CALN1: variants seen among roughly 807,000 people sequenced by gnomAD.
CALN1 encodes calcium-binding protein 8.
Under a neutral mutation model 30.6 loss-of-function variants are expected in CALN1, and 17 were observed. The observed-to-expected ratio is 0.56, with a 90% confidence interval of 0.38 to 0.83. The LOEUF is 0.83. Among genes scored for constraint, CALN1 ranks in the 40% least tolerant of loss-of-function variants. The probability of loss-of-function intolerance (pLI) is 0.00; values close to 1 mark genes in which losing one functional copy is unlikely to be tolerated. For missense variants in CALN1, 291 were observed against 354.9 expected (o/e 0.82, Z 1.45); for synonymous variants, 156 against 131.4 (o/e 1.19, Z -1.28).
intron 4 of CALN1, among the ~76,000 whole-genome samples, chr7:72,079,074 C>T (rs377748472): frequency 2.5e-4 from 38 of 152,286 alleles, no homozygotes; most frequent in South Asian, 1.5e-3. Context: ...GAGGTCCTTA[C>T]GAAATGCCAG....
intron 3 of CALN1, among the ~76,000 whole-genome samples, chr7:72,148,422 A>G (rs929774960): frequency 2.2e-5 from 2 of 92,158 alleles, no homozygotes; most frequent in Non-Finnish European, 6.6e-5. Context: ...TAAAAAAAAG[A>G]AAAAAAAGAA....
At chr7:72,058,705 T>A (rs1222251823) in intron 4 of CALN1, among the ~76,000 whole-genome samples, 1 of 152,104 alleles carries the variant, frequency 6.6e-6, no homozygotes, top group African/African-American at 2.4e-5. Flanking sequence ...TGGAAGATGG[T>A]AAGCTCTGAA....
At chr7:72,398,698 AG>A (rs1394800456) in intron 2 of CALN1, among the ~76,000 whole-genome samples, 4 of 152,226 alleles carry the variant, frequency 2.6e-5, no homozygotes, top group African/African-American at 9.6e-5. Flanking sequence ...AAAGAAGTGA[AG>A]GATTTCACTG....
At chr7:71,922,533 T>A (rs1562902788) in intron 5 of CALN1, among the ~76,000 whole-genome samples, 1 of 138,186 alleles carries the variant, frequency 7.2e-6, no homozygotes, top group Admixed American at 7.6e-5. Flanking sequence ...ACAGAATATA[T>A]TATATATAAA....
At chr7:71,825,387 C>T (rs559063370) in intron 5 of CALN1, among the ~76,000 whole-genome samples, 8 of 152,244 alleles carry the variant, frequency 5.3e-5, no homozygotes, top group African/African-American at 1.9e-4. Flanking sequence ...ATAAGGGTTT[C>T]CCCCTTTTGC....
At chr7:72,045,149 C>A (rs1802388783) in intron 4 of CALN1, among the ~76,000 whole-genome samples, 1 of 152,186 alleles carries the variant, frequency 6.6e-6, no homozygotes, top group Non-Finnish European at 1.5e-5. Flanking sequence ...GGGAAACGTA[C>A]ACTCACCATG....
rs528410562 is a variant in CALN1 at position 71,861,541 on chromosome 7, C to T, written c.502-51049G>A. Among the ~76,000 whole-genome samples the T allele has an allele frequency of 6.6e-5, 10 of 151,684 alleles. No homozygotes were observed. The South Asian group carries it at 1.7e-3, about 25-fold the overall frequency. On this transcript the variant is annotated intron_variant, in intron 5 of 6. Transcript: ENST00000395275. ...CTGTAATCCCAACACGTTGGGTGGC[C>T]GAGGCAAGGGGATCCCTTGAGACCA...
rs1793797654 is a variant in CALN1 at position 71,900,657 on chromosome 7, A to G, written c.502-90165T>C. On this transcript the variant is annotated intron_variant, in intron 5 of 6. Coordinates refer to ENST00000395275, the MANE Select transcript of CALN1 (RefSeq NM_031468.4). ...TAGCACAAGGACCCCAGTCAGTAAC[A>G]GATGTTCCAGAAGGGGGCTAGGGCA... Among the ~76,000 whole-genome samples the G allele has an allele frequency of 2.6e-5, 4 of 152,202 alleles. No homozygotes were observed. In the South Asian group the frequency reaches 8.3e-4, roughly 31 times the overall value.
intron 5 of CALN1, among the ~76,000 whole-genome samples, chr7:71,913,336 T>C (rs1327316299): frequency 6.6e-6 from 1 of 152,186 alleles, no homozygotes; most frequent in Non-Finnish European, 1.5e-5. Context: ...GTTAGGATTC[T>C]ATGAGCTGGC....
At chr7:71,871,540 A>G (rs888206297) in intron 5 of CALN1, among the ~76,000 whole-genome samples, 9 of 152,152 alleles carry the variant, frequency 5.9e-5, no homozygotes, top group African/African-American at 2.2e-4. Flanking sequence ...CGAGGCCAGG[A>G]AAGTTTGTGA....
chr7:72,388,858 G>A (rs897400543), intron 2 of CALN1, among the ~76,000 whole-genome samples: 3 of 152,258 alleles, frequency 2.0e-5, no homozygotes, highest in Non-Finnish European at 1.5e-5. Flanking sequence ...TGGTGCATTT[G>A]GGCTCCTTCT....
chr7:72,448,630 G>A (rs1808593549), upstream of CALN1, among the ~76,000 whole-genome samples: 2 of 151,232 alleles, frequency 1.3e-5, no homozygotes, highest in African/African-American at 2.4e-5. Flanking sequence ...TTTTTTGACG[G>A]AGTCTCACTC....
At chr7:72,011,505 C>A (rs1014814428) in intron 5 of CALN1, among the ~76,000 whole-genome samples, 33 of 152,198 alleles carry the variant, frequency 2.2e-4, no homozygotes, top group African/African-American at 8.0e-4. Context: ...CCTGAACCTG[C>A]CTTTGATCAC....
intron 2 of CALN1, among the ~76,000 whole-genome samples, chr7:72,352,388 CAAAAAAAAAAA>C (rs59245091): frequency 1.2e-5 from 1 of 82,044 alleles, no homozygotes; most frequent in Admixed American, 1.5e-4. Flanking sequence ...GACTCTGTCT[CAAAAAAAAAAA>C]AAAAAAAAAC....
chr7:72,492,660 A>G, the CALN1 span, among the ~76,000 whole-genome samples: 1 of 152,218 alleles, frequency 6.6e-6, no homozygotes, highest in Non-Finnish European at 1.5e-5. Context: ...TCGTGGCTCT[A>G]ATAGTTGGAC....
intron 5 of CALN1, among the ~76,000 whole-genome samples, chr7:71,849,345 ACT>A (rs1385810934): frequency 2.0e-5 from 3 of 150,658 alleles, no homozygotes; most frequent in African/African-American, 7.3e-5. Context: ...ATTGATCTAG[ACT>A]CTATTCTATT....
At chr7:71,859,669 T>C (rs1018434347) in intron 5 of CALN1, among the ~76,000 whole-genome samples, 8 of 152,308 alleles carry the variant, frequency 5.3e-5, no homozygotes, top group African/African-American at 1.9e-4. Context: ...GAGACTAAAT[T>C]AGAAGTTGCC....
chr7:72,156,574 G>A (rs1052379529), intron 3 of CALN1, among the ~76,000 whole-genome samples: 1 of 152,210 alleles, frequency 6.6e-6, no homozygotes, highest in Non-Finnish European at 1.5e-5. Context: ...CATCCCTTGG[G>A]GAAGGGCCCC....
At chr7:72,284,481 G>A (rs748295638) in intron 2 of CALN1, among the ~76,000 whole-genome samples, 2 of 150,260 alleles carry the variant, frequency 1.3e-5, no homozygotes, top group African/African-American at 2.4e-5. Flanking sequence ...CTTTTGAATT[G>A]GTAGTCTGAG....
Sources: allele counts gnomAD v4.1 joint callset (sites outside exome capture counted in the v4.1 genomes callset), GRCh38; gene constraint gnomAD v4.1.1; transcripts MANE v1.5; gene names NCBI Gene and HGNC (gene_info 2026-07-23, HGNC 2026-07-21).